Variants in EEF1B2 observed in about 807,000 individuals in gnomAD.
EEF1B2 encodes eukaryotic translation elongation factor 1 beta 2.
In EEF1B2, 12 loss-of-function variants were observed where a neutral mutation model predicts 28.3. The observed-to-expected ratio is 0.42, with a 90% CI of 0.27 to 0.69. EEF1B2 has a LOEUF of 0.69. Ranked by LOEUF, EEF1B2 falls within the 30% of genes least tolerant of loss-of-function variation. The pLI, the probability that EEF1B2 is intolerant of heterozygous loss-of-function variation, is 0.22. For synonymous variants in EEF1B2, 83 were observed against 99.9 expected (o/e 0.83, Z 1.01); for missense variants, 234 against 272.6 (o/e 0.86, Z 1.00).
intron 3 of EEF1B2, 78 bp from the exon 4 acceptor site, chr2:206,161,959 CT>C (rs770603678): frequency 3.2e-6 from 4 of 1,258,290 alleles, no homozygotes; most frequent in Non-Finnish European, 4.7e-6. Context: ...TTAAGCCAGT[CT>C]TTTTTGTGAT....
chr2:206,160,589 T>C lies in EEF1B2; in HGVS notation c.82T>C (p.Tyr28His). 1 of 1,614,082 alleles carries C rather than the reference T, an allele frequency of 6.2e-7. No homozygotes were observed. Among genetic ancestry groups the C allele is most frequent in the Non-Finnish European group, 8.5e-7 (1 of 1,180,018 alleles). The stretch of plus-strand genomic sequence containing the variant: ...TGAATGTTTCTGTGTCCTTGGCAGG[T>C]ATGTGCCATCACAAGCAGATGTGGC... ...YLADKSYIEG[Y>H]VPSQADVAVF... Residue 28 changes from tyrosine (Y) to histidine (H), a missense_variant and splice_region_variant, in exon 2 of 6, where the codon TAT becomes CAT. This residue lies in a region of EEF1B2 where 178 missense variants were observed against 173.3 expected (regional missense o/e 1.03). Coordinates refer to ENST00000392222, the MANE Select transcript of EEF1B2 (RefSeq NM_001959.4).
At position 206,162,038 on chromosome 2, in the gene EEF1B2, G is replaced by C; in HGVS notation, c.331G>C (p.Glu111Gln). ...GTGGATTAATTTTTTTTCTTTACAGGAAAGTGAAGAAGCAAAGAGGCTAAG... is the reference window on the plus strand; with the variant it reads ...GTGGATTAATTTTTTTTCTTTACAGCAAAGTGAAGAAGCAAAGAGGCTAAG... ...IDLFGSDDEE[E>Q]SEEAKRLREE... Residue 111 changes from glutamate to glutamine, a missense_variant and splice_region_variant, in exon 4 of 6, where the codon GAA (glutamate) becomes CAA (glutamine). By Grantham distance (29) the Glu-to-Gln change is conservative. This residue lies in a region of EEF1B2 where 178 missense variants were observed against 173.3 expected (regional missense o/e 1.03). Coordinates refer to ENST00000392222, the MANE Select transcript of EEF1B2 (RefSeq NM_001959.4). 6.2e-7 allele frequency: 1 copy of C among 1,613,802 alleles called. No homozygotes were observed. Among genetic ancestry groups the C allele is most frequent in the Non-Finnish European group, 8.5e-7 (1 of 1,179,788 alleles).
rs199832924 is a variant in EEF1B2, at chr2:206,161,624, TACAA to T, written c.330+154_330+157del. On this transcript the variant is annotated intron_variant, in intron 3 of 5. Coordinates refer to ENST00000392222, the MANE Select transcript of EEF1B2 (RefSeq NM_001959.4). Reference sequence around the variant, plus strand: ...GGTGAAACCCTGTCTGTACTAAAAATACAAAAAAATGTGGCAGGCATCTGTAATC... The same window carrying T: ...GGTGAAACCCTGTCTGTACTAAAAATAAAAATGTGGCAGGCATCTGTAATC... The T allele has an allele frequency of 7.9e-4, 783 of 986,372 alleles. 15 individuals carry two copies. In the East Asian group the frequency reaches 0.019, roughly 24 times the overall value. The allele number at this position is 986,372 out of a possible 1,614,324, so 61.1% of individuals were successfully genotyped here. A position where few individuals can be genotyped will look rare whatever the true frequency, so the allele number is the denominator to read the frequency against.
At chr2:206,159,892 G>A, upstream of EEF1B2, 11 of 1,474,096 alleles carry the variant, frequency 7.5e-6, no homozygotes, top group Non-Finnish European at 1.0e-5. Flanking sequence ...GGTCTCTTCG[G>A]GTCCTTTTTC....
chr2:206,161,798 G>A, intron 3 of EEF1B2: 3 of 681,410 alleles, frequency 4.4e-6, no homozygotes, highest in Admixed American at 2.0e-5. Context: ...ACATCGATCA[G>A]CAATTGTATC....
chr2:206,161,286 A>G, intron 2 of EEF1B2, 60 bp from the exon 3 acceptor site: 1 of 1,599,238 alleles, frequency 6.3e-7, no homozygotes, highest in Non-Finnish European at 8.5e-7. Context: ...GTTATTTTGT[A>G]TTTTCTGGAA....
At chr2:206,161,860 G>A (rs779966274) in intron 3 of EEF1B2, 178 bp from the exon 4 acceptor site, 2 of 759,830 alleles carry the variant, frequency 2.6e-6, no homozygotes, top group Non-Finnish European at 4.8e-6. Context: ...TAATTTATAT[G>A]CCTTTTTCAA....
intron 3 of EEF1B2, 52 bp downstream of exon 3, chr2:206,161,524 T>C (rs1430250926): frequency 1.9e-5 from 30 of 1,604,632 alleles, no homozygotes; most frequent in Non-Finnish European, 2.6e-5. Context: ...GGCTCATGCC[T>C]GTAATCCCAG....
chr2:206,159,654 C>T (rs1012439550), upstream of EEF1B2: 2 of 250,170 alleles, frequency 8.0e-6, no homozygotes. Flanking sequence ...GCTTCTAGGG[C>T]TGGTTCCCGT....
upstream of EEF1B2, chr2:206,159,856 C>T (rs1687845413): frequency 3.6e-6 from 4 of 1,113,168 alleles, no homozygotes; most frequent in East Asian, 2.6e-5. Flanking sequence ...AGGGAAACGC[C>T]TCCGTCTCTA....
chr2:206,161,763 C>T (rs1402027475), intron 3 of EEF1B2: 18 of 495,438 alleles, frequency 3.6e-5, no homozygotes, highest in Admixed American at 6.4e-5. Flanking sequence ...AGCGAGACTC[C>T]GTCCCAAAAA....
intron 3 of EEF1B2, among the ~76,000 whole-genome samples, 195 bp downstream of exon 3, chr2:206,161,667 C>T (rs750878845): frequency 6.6e-6 from 1 of 151,338 alleles, no homozygotes. Context: ...GCTACTCAGG[C>T]GGCTAAGGCA....
intron 4 of EEF1B2, 68 bp downstream of exon 4, chr2:206,162,172 A>G (rs915599660): frequency 6.7e-7 from 1 of 1,486,046 alleles, no homozygotes; most frequent in African/African-American, 1.4e-5. Context: ...TTGACCTTGA[A>G]GTAATTTCCT....
chr2:206,159,635 A>T (rs1041406004), upstream of EEF1B2: 57 of 233,442 alleles, frequency 2.4e-4, no homozygotes, highest in African/African-American at 1.2e-3. Context: ...GTCTTCGGTC[A>T]TCTCCGGCGC....
chr2:206,161,745 G>A, intron 3 of EEF1B2: 1 of 548,144 alleles, frequency 1.8e-6, no homozygotes, highest in Admixed American at 2.8e-5. Context: ...ATCCAGCCTG[G>A]GCGACAGAGC....
intron 2 of EEF1B2, 21 bp from the exon 3 acceptor site, chr2:206,161,325 T>C: frequency 1.2e-6 from 2 of 1,613,026 alleles, no homozygotes; most frequent in Non-Finnish European, 1.7e-6. Flanking sequence ...CAATAGTGGT[T>C]GAATTTAAAT....
intron 1 of EEF1B2, 108 bp from the exon 2 acceptor site, chr2:206,160,480 T>G (rs1687884972): frequency 6.4e-7 from 1 of 1,574,050 alleles, no homozygotes; most frequent in South Asian, 1.2e-5. Context: ...AAAGCAACCC[T>G]GCTGGGGTTA....
At chr2:206,161,500 C>T (rs554226006) in intron 3 of EEF1B2, 28 bp downstream of exon 3, 21 of 1,611,012 alleles carry the variant, frequency 1.3e-5, no homozygotes, top group African/African-American at 9.4e-5. Flanking sequence ...AAGAACATAT[C>T]GGCCAGGCGC....
At chr2:206,161,764 G>A (rs547737459) in intron 3 of EEF1B2, 11 of 481,400 alleles carry the variant, frequency 2.3e-5, no homozygotes, top group Admixed American at 9.9e-5. Context: ...GCGAGACTCC[G>A]TCCCAAAAAA....
Sources: allele counts gnomAD v4.1 joint callset (sites outside exome capture counted in the v4.1 genomes callset), GRCh38; gene constraint gnomAD v4.1.1; regional missense constraint gnomAD v4.1.1; transcripts MANE v1.5; gene names NCBI Gene and HGNC (gene_info 2026-07-23, HGNC 2026-07-21).